Variants in EMCN observed in about 807,000 individuals in gnomAD.
The protein encoded by EMCN is endomucin, also known as MUC-14.
EMCN carries 37 observed loss-of-function variants against 38.4 expected under a neutral mutation model. The ratio of observed to expected loss-of-function variants is 0.96; its 90% CI spans 0.74 to 1.27. The LOEUF is 1.27. Ranked by LOEUF, EMCN falls within the 50% of genes most tolerant of loss-of-function variation. The probability of loss-of-function intolerance (pLI) is 0.00; values close to 1 mark genes in which losing one functional copy is unlikely to be tolerated. For synonymous variants in EMCN, 95 were observed against 100.8 expected, an observed-to-expected ratio of 0.94 and a Z score of 0.35; for missense variants, 318 against 302.8, an observed-to-expected ratio of 1.05 and a Z score of -0.37.
intron 1 of EMCN, among the ~76,000 whole-genome samples, chr4:100,497,246 T>TAAAAA (rs749473979): frequency 7.7e-6 from 1 of 129,836 alleles, no homozygotes; most frequent in Non-Finnish European, 1.7e-5. Flanking sequence ...TTGTTACTAT[T>TAAAAA]AAAAAAAAAA....
At chr4:100,500,882 T>C (rs1190633938) in intron 1 of EMCN, among the ~76,000 whole-genome samples, 2 of 151,956 alleles carry the variant, frequency 1.3e-5, no homozygotes, top group Non-Finnish European at 2.9e-5. Flanking sequence ...GGAAAGTACT[T>C]ACTTAAGTCA....
At chr4:100,418,773 C>T (rs964393543) in intron 8 of EMCN, among the ~76,000 whole-genome samples, 25 of 152,006 alleles carry the variant, frequency 1.6e-4, no homozygotes, top group African/African-American at 4.8e-4. Flanking sequence ...ACCACATTTT[C>T]GTTATCTATT....
At chr4:100,437,626 A>T (rs1397468862) in intron 5 of EMCN, among the ~76,000 whole-genome samples, 1 of 152,076 alleles carries the variant, frequency 6.6e-6, no homozygotes, top group East Asian at 1.9e-4. Context: ...ACGTGTAGAA[A>T]TCCAGTTTTT....
At chr4:100,509,990 G>A (rs1211489310) in intron 1 of EMCN, among the ~76,000 whole-genome samples, 1 of 152,148 alleles carries the variant, frequency 6.6e-6, no homozygotes, top group Non-Finnish European at 1.5e-5. Flanking sequence ...ATGTCAATAT[G>A]TATCTTTCTT....
At chr4:100,481,776 C>T (rs976651660) in intron 1 of EMCN, among the ~76,000 whole-genome samples, 1 of 152,084 alleles carries the variant, frequency 6.6e-6, no homozygotes, top group Non-Finnish European at 1.5e-5. Context: ...GAATGATCCT[C>T]ACCTATGGAC....
chr4:100,412,167 C>T (rs554576939), intron 10 of EMCN, among the ~76,000 whole-genome samples: 28 of 152,156 alleles, frequency 1.8e-4, no homozygotes, highest in African/African-American at 6.5e-4. Context: ...GAGAGAGAGA[C>T]AGTCAGGGGA....
At chr4:100,438,951 A>G (rs1019536531) in intron 5 of EMCN, among the ~76,000 whole-genome samples, 25 of 152,060 alleles carry the variant, frequency 1.6e-4, no homozygotes, top group African/African-American at 5.6e-4. Context: ...GTCACAATAT[A>G]TAATTCTTTT....
intron 11 of EMCN, among the ~76,000 whole-genome samples, chr4:100,406,921 G>A (rs551375015): frequency 9.9e-5 from 15 of 152,258 alleles, no homozygotes; most frequent in Admixed American, 2.0e-4. Flanking sequence ...AGTATTGGGT[G>A]CATATATTTA....
At chr4:100,475,506 T>A (rs1451239542) in intron 2 of EMCN, among the ~76,000 whole-genome samples, 1 of 151,864 alleles carries the variant, frequency 6.6e-6, no homozygotes, top group African/African-American at 2.4e-5. Context: ...TCATGCCTTT[T>A]TTTTTTCTAG....
At chr4:100,422,817 C>CTTTCTT (rs200916996) in intron 7 of EMCN, among the ~76,000 whole-genome samples, 1 of 120,320 alleles carries the variant, frequency 8.3e-6, no homozygotes, top group Non-Finnish European at 1.6e-5. Context: ...TTCTTTCTTT[C>CTTTCTT]TTTTCTTTTT....
chr4:100,414,567 G>T (rs1726660995), intron 10 of EMCN, among the ~76,000 whole-genome samples: 1 of 151,996 alleles, frequency 6.6e-6, no homozygotes, highest in South Asian at 2.1e-4. Flanking sequence ...AAGAGTGGAA[G>T]AGATACAAGA....
At chr4:100,470,662 A>G (rs1728452439) in intron 3 of EMCN, among the ~76,000 whole-genome samples, 1 of 152,060 alleles carries the variant, frequency 6.6e-6, no homozygotes, top group African/African-American at 2.4e-5. Flanking sequence ...AATTGGATAA[A>G]CAATATATGG....
intron 1 of EMCN, among the ~76,000 whole-genome samples, chr4:100,491,184 T>C (rs1729067095): frequency 6.6e-6 from 1 of 152,226 alleles, no homozygotes; most frequent in Non-Finnish European, 1.5e-5. Context: ...CTGTTTTAGC[T>C]TTTGTTGCCT....
intron 4 of EMCN, among the ~76,000 whole-genome samples, chr4:100,448,826 C>CCTT (rs1179151604): frequency 7.2e-6 from 1 of 139,242 alleles, no homozygotes; most frequent in Non-Finnish European, 1.5e-5. Context: ...CTTCCTTCCT[C>CCTT]CCTCCCTCCC....
At chr4:100,461,756 A>G (rs1376254963) in intron 4 of EMCN, among the ~76,000 whole-genome samples, 2 of 152,216 alleles carry the variant, frequency 1.3e-5, no homozygotes, top group African/African-American at 2.4e-5. Context: ...CTTCTACTCT[A>G]AATTAAACCT....
chr4:100,444,083 C>T (rs1727597305), intron 5 of EMCN, among the ~76,000 whole-genome samples: 1 of 152,186 alleles, frequency 6.6e-6, no homozygotes. Flanking sequence ...TAGCTTGGAC[C>T]TTGGTGGGAG....
intron 1 of EMCN, among the ~76,000 whole-genome samples, chr4:100,495,185 G>T (rs190098254): frequency 4.1e-4 from 63 of 151,888 alleles, no homozygotes; most frequent in Non-Finnish European, 6.9e-4. Flanking sequence ...TATATTAAAG[G>T]GTGGCAATAC....
intron 4 of EMCN, among the ~76,000 whole-genome samples, chr4:100,460,412 C>A (rs1728146497): frequency 1.3e-5 from 2 of 152,090 alleles, no homozygotes; most frequent in South Asian, 4.1e-4. Context: ...TAAAGACATA[C>A]CTGAGACTGG....
At chr4:100,441,031 T>A (rs796742007) in intron 5 of EMCN, among the ~76,000 whole-genome samples, 3 of 151,826 alleles carry the variant, frequency 2.0e-5, no homozygotes, top group African/African-American at 7.3e-5. Flanking sequence ...GAGCTTGCAG[T>A]GAGCTGCGAT....
Sources: gnomAD v4.1 joint callset for allele counts (sites outside exome capture counted in the v4.1 genomes callset) on GRCh38, gnomAD v4.1.1 for gene constraint, MANE v1.5 for transcripts, NCBI Gene and HGNC (gene_info 2026-07-23, HGNC 2026-07-21) for gene names.